PLEKHA7: variants seen among roughly 807,000 people sequenced by gnomAD.
PLEKHA7 encodes the protein pleckstrin homology domain containing A7.
Under a neutral mutation model 170.0 loss-of-function variants are expected in PLEKHA7, and 104 were observed. That is an observed-to-expected ratio of 0.61 (90% CI 0.52 to 0.72). The LOEUF (loss-of-function observed/expected upper bound fraction) is 0.72. Ranked by LOEUF, PLEKHA7 falls within the 30% of genes least tolerant of loss-of-function variation. The probability of loss-of-function intolerance (pLI) is 0.00; values close to 1 mark genes in which losing one functional copy is unlikely to be tolerated. For synonymous variants in PLEKHA7, 648 were observed against 660.8 expected, an observed-to-expected ratio of 0.98 and a Z score of 0.30; for missense variants, 1,615 against 1,671.7, an observed-to-expected ratio of 0.97 and a Z score of 0.59.
chr11:16,908,096 A>T (rs1345396796), intron 3 of PLEKHA7, among the ~76,000 whole-genome samples: 1 of 151,456 alleles, frequency 6.6e-6, no homozygotes, highest in Admixed American at 6.6e-5. Flanking sequence ...ACCACTCCCT[A>T]ATCTCAAGTA....
At chr11:16,930,502 T>C (rs997873127) in intron 3 of PLEKHA7, among the ~76,000 whole-genome samples, 1 of 152,192 alleles carries the variant, frequency 6.6e-6, no homozygotes, top group Non-Finnish European at 1.5e-5. Flanking sequence ...GGACAGGATC[T>C]AAAGATAAGG....
intron 26 of PLEKHA7, among the ~76,000 whole-genome samples, chr11:16,781,688 G>T (rs956564149): frequency 3.3e-5 from 5 of 152,192 alleles, no homozygotes; most frequent in South Asian, 2.1e-4. Context: ...TTTTGACTAA[G>T]ACTATGGCCC....
Position 16,791,820 on chromosome 11 carries a change from A to G in PLEKHA7, c.2746-621T>C. 1 of 385,842 alleles carries G rather than the reference A, an allele frequency of 2.6e-6. No homozygotes were observed. The highest frequency in any genetic ancestry group is 1.9e-5 in the South Asian group (1 of 52,562). 23.9% of individuals were successfully genotyped at this position (385,842 alleles called of 1,614,324 possible). The stretch of plus-strand genomic sequence containing the variant: ...CTGCCTACCATGCAGTTCATTCCCT[A>G]GAATGTGATGAATGCAACATTTTCC... On this transcript the variant is annotated intron_variant, in intron 19 of 26. Coordinates refer to ENST00000531066, the MANE Select transcript of PLEKHA7 (RefSeq NM_001329630.2). This position sits in a 1 kb window ranked among gnomAD's most constrained non-coding sequence, Gnocchi z 4.5.
At chr11:16,896,133 A>G (rs1856977814) in intron 3 of PLEKHA7, among the ~76,000 whole-genome samples, 1 of 152,310 alleles carries the variant, frequency 6.6e-6, no homozygotes, top group Non-Finnish European at 1.5e-5. Context: ...TCCACTCTCT[A>G]GAGTCCCAGA....
chr11:16,952,959 A>T (rs1248644923), intron 3 of PLEKHA7, among the ~76,000 whole-genome samples: 1 of 152,264 alleles, frequency 6.6e-6, no homozygotes. Flanking sequence ...AATGGCATCT[A>T]CATATATTTG....
chr11:16,954,907 G>A (rs1338379180), intron 3 of PLEKHA7, among the ~76,000 whole-genome samples: 1 of 152,106 alleles, frequency 6.6e-6, no homozygotes, highest in East Asian at 1.9e-4. Context: ...GGCCAGGCTG[G>A]TCTCAAACTC....
intron 17 of PLEKHA7, among the ~76,000 whole-genome samples, chr11:16,797,692 G>A (rs909702907): frequency 3.3e-4 from 50 of 152,182 alleles, no homozygotes; most frequent in Admixed American, 1.7e-3. Context: ...ACAGACAGGT[G>A]TATTACCGAG....
At chr11:16,874,581 G>A (rs1370206582) in intron 3 of PLEKHA7, among the ~76,000 whole-genome samples, 1 of 152,176 alleles carries the variant, frequency 6.6e-6, no homozygotes, top group African/African-American at 2.4e-5. Context: ...TATGTTCTCT[G>A]TATGATAACC....
chr11:16,794,142 A>C (rs1018118219), intron 19 of PLEKHA7, among the ~76,000 whole-genome samples: 1 of 151,956 alleles, frequency 6.6e-6, no homozygotes, highest in African/African-American at 2.4e-5. Context: ...GCGGATTTGC[A>C]CAAAGGTTTG....
intron 17 of PLEKHA7, among the ~76,000 whole-genome samples, chr11:16,796,480 T>A (rs1564920290): frequency 6.6e-6 from 1 of 151,812 alleles, no homozygotes; most frequent in Non-Finnish European, 1.5e-5. Context: ...AAACAGAAAG[T>A]AGATTAGTGT....
intron 3 of PLEKHA7, among the ~76,000 whole-genome samples, chr11:17,009,937 T>C (rs1474193570): frequency 1.3e-5 from 2 of 152,134 alleles, no homozygotes; most frequent in South Asian, 4.1e-4. Flanking sequence ...CAAAAAATCT[T>C]TTTAAAGGGG....
At chr11:16,948,617 C>T (rs1406267557) in intron 3 of PLEKHA7, among the ~76,000 whole-genome samples, 1 of 140,934 alleles carries the variant, frequency 7.1e-6, no homozygotes, top group Non-Finnish European at 1.5e-5. Flanking sequence ...CCCACATGCA[C>T]ACACATGTGC....
intron 3 of PLEKHA7, among the ~76,000 whole-genome samples, chr11:16,888,700 A>G (rs1856370876): frequency 6.6e-6 from 1 of 152,126 alleles, no homozygotes; most frequent in South Asian, 2.1e-4. Flanking sequence ...CCAGGGACAC[A>G]AACACTGCGC....
intron 9 of PLEKHA7, among the ~76,000 whole-genome samples, chr11:16,831,927 A>G (rs1477828525): frequency 6.6e-6 from 1 of 152,208 alleles, no homozygotes; most frequent in African/African-American, 2.4e-5. Context: ...CCAGCAAAAC[A>G]CTTACATTTC....
chr11:16,880,461 T>C (rs1855627028), intron 3 of PLEKHA7, among the ~76,000 whole-genome samples: 1 of 152,250 alleles, frequency 6.6e-6, no homozygotes, highest in Non-Finnish European at 1.5e-5. Flanking sequence ...GCCTGCTATA[T>C]TTATCTTCTG....
At chr11:16,881,555 G>A (rs12787236) in intron 3 of PLEKHA7, 2,329 of 152,314 alleles carry the variant, frequency 0.015, 33 homozygotes, top group South Asian at 0.046. Context: ...TGTGGCCAAG[G>A]GGAGCAGTGG....
intron 3 of PLEKHA7, among the ~76,000 whole-genome samples, chr11:16,877,043 A>T (rs1171979734): frequency 1.3e-5 from 2 of 152,158 alleles, no homozygotes; most frequent in African/African-American, 2.4e-5. Flanking sequence ...TAAAGAGGAG[A>T]AGAAACAGCT....
rs570147588 is a variant in PLEKHA7 at position 16,851,858 on chromosome 11, C to T, written c.595+425G>A. Among the ~76,000 whole-genome samples the T allele has an allele frequency of 2.6e-5, 4 of 152,358 alleles. No individual in the cohort carries two copies. In the East Asian group the frequency reaches 7.7e-4, roughly 29 times the overall value. On this transcript the variant is annotated intron_variant, in intron 7 of 26. Coordinates refer to ENST00000531066, the MANE Select transcript of PLEKHA7 (RefSeq NM_001329630.2). ...GGCCCCCTGAACTGCTTTGAAAGCA[C>T]CAGTAGCAGTCTAGCCTTATCTTAA...
At chr11:16,892,432 G>GTTTTGTTT (rs763934828) in intron 3 of PLEKHA7, among the ~76,000 whole-genome samples, 1,616 of 114,992 alleles carry the variant, frequency 0.014, 15 homozygotes, top group South Asian at 0.038. Context: ...GTGTGTGTGT[G>GTTTTGTTT]TGTTTTGTTT....
Sources: allele counts gnomAD v4.1 joint callset (sites outside exome capture counted in the v4.1 genomes callset), GRCh38; gene constraint gnomAD v4.1.1; non-coding constraint Gnocchi (gnomAD v3.1); transcripts MANE v1.5; gene names NCBI Gene and HGNC (gene_info 2026-07-23, HGNC 2026-07-21).